Variants in RFX7 observed in about 807,000 individuals in gnomAD.
RFX7 encodes the protein regulatory factor X7, also known as DNA-binding protein RFX7.
RFX7 carries 26 observed loss-of-function variants against 111.8 expected under a neutral mutation model. That is an observed-to-expected ratio of 0.23 (90% CI 0.17 to 0.32). RFX7 has a LOEUF of 0.32. RFX7 is among the 10% of genes least tolerant of loss of function. RFX7 has a pLI of 1.00. For synonymous variants in RFX7, 624 were observed against 624.4 expected (o/e 1.00, Z 0.01); for missense variants, 1,573 against 1,772.9 (o/e 0.89, Z 2.02).
chr15:56,232,219 T>A (rs2043567243), intron 2 of RFX7, among the ~76,000 whole-genome samples: 1 of 152,192 alleles, frequency 6.6e-6, no homozygotes, highest in Non-Finnish European at 1.5e-5. Context: ...AACCCCACAT[T>A]TCCATTCCAC....
At chr15:56,214,328 TA>T (rs34389995) in intron 2 of RFX7, among the ~76,000 whole-genome samples, 1 of 152,072 alleles carries the variant, frequency 6.6e-6, no homozygotes, top group African/African-American at 2.4e-5. Flanking sequence ...TATTAAGAAA[TA>T]AAAAATCTGC....
In RFX7 at chr15:56,095,265, CCAAA is replaced by C. The variant is rs749745135; in HGVS notation, c.2459_2462del (p.Val820GlyfsTer3). The C allele has an allele frequency of 6.2e-7, 1 of 1,613,878 alleles. No individual in the cohort carries two copies. The highest frequency in any genetic ancestry group is 8.5e-7 in the Non-Finnish European group (1 of 1,179,836). ...TGTCCTGTGGCATTCCTTCTAATTCCCAAACAGATTTCTCTAAGTCATTGATATC... is the reference window on the plus strand; with the variant it reads ...TGTCCTGTGGCATTCCTTCTAATTCCCAGATTTCTCTAAGTCATTGATATC... On this transcript the variant is annotated frameshift_variant, in exon 10 of 10. Transcript: ENST00000559447. LOFTEE classifies it high-confidence loss of function.
intron 2 of RFX7, among the ~76,000 whole-genome samples, chr15:56,206,988 A>G (rs1464958796): frequency 6.6e-6 from 1 of 152,150 alleles, no homozygotes; most frequent in Non-Finnish European, 1.5e-5. Flanking sequence ...GAACATTTAA[A>G]AATCACTAAA....
rs147305383 is a variant in RFX7, at chr15:56,101,770, G to A, written c.604-204C>T. Among the ~76,000 whole-genome samples the A allele has an allele frequency of 2.3e-3, 347 of 152,272 alleles. 1 individual carries two copies. Among genetic ancestry groups the A allele is most frequent in the Non-Finnish European group, 4.3e-3 (290 of 68,030 alleles). On this transcript the variant is annotated intron_variant, in intron 7 of 9. Transcript: ENST00000559447. ...AGTGCACAGCAGTCAGCAGCCTTGC[G>A]AATATAACATTTTAAATGGTTTTTA...
At chr15:56,114,682 TAAAGA>T (rs1258565551) in intron 5 of RFX7, among the ~76,000 whole-genome samples, 1 of 151,964 alleles carries the variant, frequency 6.6e-6, no homozygotes, top group Non-Finnish European at 1.5e-5. Flanking sequence ...AAGTCAAAAC[TAAAGA>T]AGAGTTAAAT....
rs1474358652 is a variant in RFX7 at position 56,089,534 on chromosome 15, A to G, written c.*3811T>C. 1.3e-5 allele frequency: 2 copies of G among 151,968 alleles called. No individual in the cohort carries two copies. The highest frequency in any genetic ancestry group is 2.4e-5 in the African/African-American group (1 of 41,366). 9.4% of individuals were successfully genotyped at this position (151,968 alleles called of 1,614,324 possible). A position where few individuals can be genotyped will look rare whatever the true frequency, so the allele number is the denominator to read the frequency against. On this transcript the variant is annotated 3_prime_UTR_variant, in exon 10 of 10. Transcript: ENST00000559447. ...AAAATCACCTCAGGTGTTACACAGTATTTTCACCCCCAGAATTTCTTACTG... is the reference window on the plus strand; with the variant it reads ...AAAATCACCTCAGGTGTTACACAGTGTTTTCACCCCCAGAATTTCTTACTG...
intron 2 of RFX7, among the ~76,000 whole-genome samples, chr15:56,194,423 G>A (rs983908889): frequency 6.6e-6 from 1 of 151,828 alleles, no homozygotes; most frequent in Admixed American, 6.6e-5. Flanking sequence ...TCCTTACCAG[G>A]ACAAATCAAA....
chr15:56,198,388 G>A (rs2043165310), intron 2 of RFX7, among the ~76,000 whole-genome samples: 1 of 152,102 alleles, frequency 6.6e-6, no homozygotes, highest in Admixed American at 6.5e-5. Flanking sequence ...TATAGTCAAG[G>A]AAATATGTTC....
intron 2 of RFX7, among the ~76,000 whole-genome samples, chr15:56,233,516 C>T (rs1007197912): frequency 6.6e-6 from 1 of 152,072 alleles, no homozygotes; most frequent in Non-Finnish European, 1.5e-5. Flanking sequence ...ATTTAAGCTA[C>T]ACTGCAAACT....
intron 2 of RFX7, among the ~76,000 whole-genome samples, chr15:56,204,266 A>G (rs979834270): frequency 1.3e-5 from 2 of 151,962 alleles, no homozygotes; most frequent in Admixed American, 6.6e-5. Context: ...TGATCTGTCC[A>G]CCTTGGCCTC....
chr15:56,098,624 G>A (rs1567006321), intron 8 of RFX7, among the ~76,000 whole-genome samples: 2 of 152,174 alleles, frequency 1.3e-5, no homozygotes, highest in African/African-American at 2.4e-5. Flanking sequence ...TTAAAATCAG[G>A]TGACAGTTTC....
At chr15:56,185,700 A>C (rs1329116999) in intron 2 of RFX7, among the ~76,000 whole-genome samples, 1 of 152,042 alleles carries the variant, frequency 6.6e-6, no homozygotes, top group African/African-American at 2.4e-5. Flanking sequence ...GCTGCATATT[A>C]ATTTTGTTAA....
Position 56,096,034 on chromosome 15 carries a change from G to A in RFX7, c.1694C>T (p.Pro565Leu). 2 of 1,613,160 alleles carry A rather than the reference G, an allele frequency of 1.2e-6. No individual in the cohort carries two copies. The highest frequency in any genetic ancestry group is 1.1e-5 in the South Asian group (1 of 90,966). The stretch of plus-strand genomic sequence containing the variant: ...ACTTTTCTGCCCCAAAAGGGCACTA[G>A]GTGTCTGGGGAGCTTTAGCCTCATC... ...NSDEAKAPQT[P>L]SALLGQKSNT... Residue 565 changes from proline (P) to leucine (L), a missense_variant, in exon 10 of 10, where the codon CCT becomes CTT. By Grantham distance (98) the Pro-to-Leu change is moderately conservative. This residue lies in a region of RFX7 where 625 missense variants were observed against 632.2 expected (regional missense o/e 0.99). Coordinates refer to ENST00000559447, the MANE Select transcript of RFX7 (RefSeq NM_022841.7).
intron 2 of RFX7, among the ~76,000 whole-genome samples, chr15:56,224,831 G>T (rs1484962028): frequency 2.0e-5 from 3 of 152,012 alleles, no homozygotes; most frequent in African/African-American, 7.2e-5. Context: ...TCATCCCACT[G>T]TTGTTTGCAT....
intron 5 of RFX7, among the ~76,000 whole-genome samples, chr15:56,118,164 G>A (rs1285751557): frequency 1.3e-5 from 2 of 151,870 alleles, no homozygotes; most frequent in African/African-American, 4.8e-5. Flanking sequence ...CCATCACCTC[G>A]AGCATTTATT....
At chr15:56,215,434 T>C (rs1432007585) in intron 2 of RFX7, among the ~76,000 whole-genome samples, 1 of 152,218 alleles carries the variant, frequency 6.6e-6, no homozygotes, top group African/African-American at 2.4e-5. Flanking sequence ...TTTATTTTCC[T>C]GCATCAATTT....
intron 3 of RFX7, among the ~76,000 whole-genome samples, chr15:56,162,532 A>G (rs746616675): frequency 6.6e-6 from 1 of 152,060 alleles, no homozygotes; most frequent in African/African-American, 2.4e-5. Flanking sequence ...TTTGAAAGCT[A>G]GCTGACAATG....
chr15:56,109,755 A>C (rs1488359113), intron 5 of RFX7, among the ~76,000 whole-genome samples: 1 of 149,612 alleles, frequency 6.7e-6, no homozygotes, highest in African/African-American at 2.5e-5. Flanking sequence ...AGAAGTGAGG[A>C]GACCCTCTGC....
At chr15:56,226,812 C>T (rs56323443) in intron 2 of RFX7, among the ~76,000 whole-genome samples, 19,745 of 152,104 alleles carry the variant, frequency 0.13, 1,659 homozygotes, top group East Asian at 0.44. Flanking sequence ...CTATAAATAG[C>T]TGAAACCCTT....
Sources: gnomAD v4.1 joint callset for allele counts (sites outside exome capture counted in the v4.1 genomes callset) on GRCh38, gnomAD v4.1.1 for gene constraint, gnomAD v4.1.1 regional missense constraint, MANE v1.5 for transcripts, NCBI Gene and HGNC (gene_info 2026-07-23, HGNC 2026-07-21) for gene names.